Variants in PTPRN2 observed in about 807,000 individuals in gnomAD.
PTPRN2 encodes protein tyrosine phosphatase receptor type N2.
In PTPRN2, 74 loss-of-function variants were observed where a neutral mutation model predicts 118.8. The ratio of observed to expected loss-of-function variants is 0.62; its 90% confidence interval spans 0.52 to 0.76. PTPRN2 has a LOEUF of 0.76. PTPRN2 is among the 30% of genes least tolerant of loss of function. PTPRN2 has a pLI of 0.00. For synonymous variants in PTPRN2, 641 were observed against 608.0 expected (o/e 1.05, Z -0.80); for missense variants, 1,481 against 1,394.4 (o/e 1.06, Z -0.99).
At position 157,689,342 on chromosome 7, in the gene PTPRN2, C is replaced by G. The variant is rs528422013; in HGVS notation, c.1789-6405G>C. 3.3e-5 allele frequency among the ~76,000 whole-genome samples: 5 copies of G among 152,312 alleles called. No homozygotes were observed. The South Asian group carries it at 1.0e-3, about 32-fold the overall frequency. ...AGGCGGGTGGCTCCACGGTGCCGGCCGGGACGCGCAGCTCGGGGGGCGGGA... is the reference window on the plus strand; with the variant it reads ...AGGCGGGTGGCTCCACGGTGCCGGCGGGGACGCGCAGCTCGGGGGGCGGGA... On this transcript the variant is annotated intron_variant, in intron 12 of 22. Coordinates refer to ENST00000389418, the MANE Select transcript of PTPRN2 (RefSeq NM_002847.5).
At chr7:157,720,455 T>G (rs1184057375) in intron 12 of PTPRN2, among the ~76,000 whole-genome samples, 1 of 152,238 alleles carries the variant, frequency 6.6e-6, no homozygotes. Context: ...GGACAAAGCC[T>G]TGTTGCACAC....
chr7:158,018,861 T>C (rs1299672438), intron 11 of PTPRN2, among the ~76,000 whole-genome samples: 4 of 148,270 alleles, frequency 2.7e-5, no homozygotes, highest in African/African-American at 1.0e-4. Context: ...CTTGGGAGGC[T>C]GAGGCAGGAG....
chr7:158,307,979 CAG>C (rs1199329868), intron 3 of PTPRN2, among the ~76,000 whole-genome samples: 2 of 152,188 alleles, frequency 1.3e-5, no homozygotes, highest in African/African-American at 2.4e-5. Context: ...CAGGACTCTG[CAG>C]AGAGTCCCCA....
At chr7:158,139,323 T>C (rs1158058764) in intron 6 of PTPRN2, among the ~76,000 whole-genome samples, 1 of 152,040 alleles carries the variant, frequency 6.6e-6, no homozygotes, top group Non-Finnish European at 1.5e-5. Flanking sequence ...GAGCACGGCG[T>C]CTGAAATTTA....
intron 14 of PTPRN2, among the ~76,000 whole-genome samples, chr7:157,639,709 G>A (rs1290605889): frequency 1.3e-5 from 2 of 152,236 alleles, no homozygotes; most frequent in Non-Finnish European, 2.9e-5. Flanking sequence ...TGTGGGGCCA[G>A]CAGGGAAAAC....
At chr7:157,771,544 T>C (rs1802803278) in intron 12 of PTPRN2, among the ~76,000 whole-genome samples, 1 of 152,218 alleles carries the variant, frequency 6.6e-6, no homozygotes, top group East Asian at 1.9e-4. Context: ...CACAGAGCAG[T>C]GAGACACAGC....
rs988766094 is a variant in PTPRN2, at chr7:157,624,403, C to T, written c.2197-2894G>A. ...ATCATTGCACTCCAGTCTGGGTGAC[C>T]AGAGTGAAACTCCGTCTCAAAAAAA... On this transcript the variant is annotated intron_variant, in intron 14 of 22. Coordinates refer to ENST00000389418, the MANE Select transcript of PTPRN2 (RefSeq NM_002847.5). Among the ~76,000 whole-genome samples the T allele has an allele frequency of 2.0e-5, 3 of 151,106 alleles. No individual in the cohort carries two copies. In the East Asian group the frequency reaches 5.8e-4, roughly 29 times the overall value.
At chr7:158,250,379 G>A (rs887159707) in intron 3 of PTPRN2, among the ~76,000 whole-genome samples, 2 of 152,098 alleles carry the variant, frequency 1.3e-5, no homozygotes, top group African/African-American at 4.8e-5. Context: ...CATAATGCAT[G>A]CCTATTTAAG....
chr7:158,337,746 C>A (rs1331137724), intron 2 of PTPRN2, among the ~76,000 whole-genome samples: 22 of 143,934 alleles, frequency 1.5e-4, no homozygotes, highest in African/African-American at 5.6e-4. Flanking sequence ...ACCACACTCT[C>A]ACCATAAGAG....
Position 157,893,721 on chromosome 7 carries a change from TG to T in PTPRN2, c.1788+4951del, listed in dbSNP as rs368727460. Among the ~76,000 whole-genome samples, 361 of 152,188 alleles carry T rather than the reference TG, an allele frequency of 2.4e-3. 3 individuals are homozygous for T. Among genetic ancestry groups the T allele is most frequent in the African/African-American group, 8.2e-3 (340 of 41,542 alleles). ...CCATACACACCTGTTGCTCGGTGAA[TG>T]GGTCAGGGCTGGAGACGTAGGCTTG... On this transcript the variant is annotated intron_variant, in intron 12 of 22. Coordinates refer to ENST00000389418, the MANE Select transcript of PTPRN2 (RefSeq NM_002847.5). This position sits in a 1 kb window ranked among gnomAD's most constrained non-coding sequence, Gnocchi z 4.0.
At chr7:158,255,121 G>A (rs538638778) in intron 3 of PTPRN2, among the ~76,000 whole-genome samples, 21 of 152,136 alleles carry the variant, frequency 1.4e-4, no homozygotes, top group African/African-American at 2.7e-4. Flanking sequence ...AAGCTCCCTC[G>A]CAGAAGCCCC....
rs1045259048 is a variant in PTPRN2, at chr7:157,780,699, A to G, written c.1789-97762T>C. ...CGCAGGGTGGTCACGGGTATTCCCTATGTTGGAATGCATGATGGGGCCACA... is the reference window on the plus strand; with the variant it reads ...CGCAGGGTGGTCACGGGTATTCCCTGTGTTGGAATGCATGATGGGGCCACA... On this transcript the variant is annotated intron_variant, in intron 12 of 22. Coordinates refer to ENST00000389418, the MANE Select transcript of PTPRN2 (RefSeq NM_002847.5). The surrounding 1 kb of genome is among the most constrained non-coding windows in gnomAD (Gnocchi z 4.5). Among the ~76,000 whole-genome samples the G allele has an allele frequency of 1.3e-5, 2 of 152,014 alleles. No individual in the cohort carries two copies. The highest frequency in any genetic ancestry group is 2.9e-5 in the Non-Finnish European group (2 of 68,010).
At chr7:157,989,274 C>A (rs1188445445) in intron 11 of PTPRN2, among the ~76,000 whole-genome samples, 1 of 152,110 alleles carries the variant, frequency 6.6e-6, no homozygotes, top group African/African-American at 2.4e-5. Context: ...AAAAGTTAAG[C>A]TAGGCGTGGT....
chr7:157,874,826 C>CAG lies in PTPRN2; in HGVS notation c.1788+23845_1788+23846dup, dbSNP rs1191267551. Among the ~76,000 whole-genome samples the CAG allele has an allele frequency of 2.0e-5, 3 of 151,630 alleles. No homozygotes were observed. Among genetic ancestry groups the CAG allele is most frequent in the African/African-American group, 7.3e-5 (3 of 41,250 alleles). ...ACAGAGACACACTCATGGACACACA[C>CAG]AGAGACACACTCATGCACATATACA... is the stretch of plus-strand genomic sequence containing the variant. On this transcript the variant is annotated intron_variant, in intron 12 of 22. Coordinates refer to ENST00000389418, the MANE Select transcript of PTPRN2 (RefSeq NM_002847.5). The surrounding 1 kb of genome is among the most constrained non-coding windows in gnomAD (Gnocchi z 5.8).
At chr7:157,873,081 C>T (rs183753337) in intron 12 of PTPRN2, among the ~76,000 whole-genome samples, 37 of 152,366 alleles carry the variant, frequency 2.4e-4, no homozygotes, top group African/African-American at 7.5e-4. Context: ...ATGTCCCTCA[C>T]CCGAGCCCTG....
chr7:158,314,882 G>A (rs571647464), intron 3 of PTPRN2, among the ~76,000 whole-genome samples: 288 of 146,200 alleles, frequency 2.0e-3, no homozygotes, highest in Non-Finnish European at 2.3e-3. Context: ...AGGTGAACCC[G>A]GGACCCCCTT....
intron 12 of PTPRN2, among the ~76,000 whole-genome samples, chr7:157,839,363 T>G (rs1192782270): frequency 6.6e-6 from 1 of 152,084 alleles, no homozygotes; most frequent in Non-Finnish European, 1.5e-5. Context: ...TGTGTCTGTG[T>G]GGCTGTGTGG....
chr7:158,151,802 G>A (rs759345300), intron 6 of PTPRN2, among the ~76,000 whole-genome samples: 31 of 152,220 alleles, frequency 2.0e-4, no homozygotes, highest in Middle Eastern at 3.4e-3. Context: ...CTTTGAAGGC[G>A]CAGAGATAAA....
intron 12 of PTPRN2, among the ~76,000 whole-genome samples, chr7:157,800,051 G>A (rs997249330): frequency 5.6e-5 from 8 of 143,606 alleles, no homozygotes; most frequent in Non-Finnish European, 1.2e-4. Context: ...CACCACAGCC[G>A]GCCTCCCCCA....
Sources: allele counts gnomAD v4.1 joint callset (sites outside exome capture counted in the v4.1 genomes callset), GRCh38; gene constraint gnomAD v4.1.1; non-coding constraint Gnocchi (gnomAD v3.1); transcripts MANE v1.5; gene names NCBI Gene and HGNC (gene_info 2026-07-23, HGNC 2026-07-21).